The following TNFSF4 variants were observed in gnomAD, a reference collection of about 807,000 sequenced individuals.
TNFSF4 encodes TNF superfamily member 4.
A neutral mutation model predicts 7.3 loss-of-function variants in TNFSF4; 4 were observed. The ratio of observed to expected loss-of-function variants is 0.55; its 90% confidence interval spans 0.27 to 1.25. The LOEUF (loss-of-function observed/expected upper bound fraction) is 1.25, where lower values mean the gene tolerates loss of function less well. Among genes scored for constraint, TNFSF4 ranks in the 50% most tolerant of loss-of-function variants. TNFSF4 has a pLI of 0.12. For synonymous variants in TNFSF4, 76 were observed against 83.7 expected (o/e 0.91, Z 0.50); for missense variants, 181 against 208.8 (o/e 0.87, Z 0.82).
At chr1:173,300,625 A>AT in the TNFSF4 span, among the ~76,000 whole-genome samples, 1 of 151,866 alleles carries the variant, frequency 6.6e-6, no homozygotes, top group African/African-American at 2.4e-5. Context: ...AAGTAATGGA[A>AT]TTTTTTCTAC....
the TNFSF4 span, among the ~76,000 whole-genome samples, chr1:173,368,007 AG>A: frequency 1.3e-5 from 2 of 152,308 alleles, no homozygotes; most frequent in South Asian, 4.1e-4. Flanking sequence ...TAGCTAGCAA[AG>A]GGATTGTAAA....
At chr1:173,348,270 C>T in the TNFSF4 span, among the ~76,000 whole-genome samples, 1 of 152,110 alleles carries the variant, frequency 6.6e-6, no homozygotes, top group Non-Finnish European at 1.5e-5. Flanking sequence ...GAATAAAAGT[C>T]TCATGAGATC....
intron 1 of TNFSF4, among the ~76,000 whole-genome samples, chr1:173,199,183 C>T (rs1241125972): frequency 6.6e-6 from 1 of 152,164 alleles, no homozygotes; most frequent in Non-Finnish European, 1.5e-5. Flanking sequence ...GGGAGGACCA[C>T]GTCTATTTCA....
intron 1 of TNFSF4, among the ~76,000 whole-genome samples, chr1:173,190,103 C>T (rs1256653670): frequency 6.6e-6 from 1 of 151,656 alleles, no homozygotes; most frequent in Admixed American, 6.6e-5. Flanking sequence ...GTAATCCCAG[C>T]TTCTTGGGAG....
the TNFSF4 span, among the ~76,000 whole-genome samples, chr1:173,240,949 T>C: frequency 6.6e-6 from 1 of 152,218 alleles, no homozygotes; most frequent in Non-Finnish European, 1.5e-5. Context: ...TAGTATTTAC[T>C]AACCATCAGG....
the TNFSF4 span, among the ~76,000 whole-genome samples, chr1:173,176,849 T>C: frequency 6.6e-6 from 1 of 152,192 alleles, no homozygotes; most frequent in Non-Finnish European, 1.5e-5. Context: ...GAGATCATTA[T>C]CCTAAGCAAA....
At chr1:173,316,429 A>T in the TNFSF4 span, among the ~76,000 whole-genome samples, 3 of 152,144 alleles carry the variant, frequency 2.0e-5, no homozygotes, top group African/African-American at 7.2e-5. Flanking sequence ...TTCCTCAATA[A>T]CACAGAATAT....
the TNFSF4 span, among the ~76,000 whole-genome samples, chr1:173,294,852 T>C: frequency 6.6e-6 from 1 of 151,954 alleles, no homozygotes; most frequent in East Asian, 1.9e-4. Flanking sequence ...TTGCAGTACA[T>C]ATGACTGAAA....
At chr1:173,191,562 T>C (rs1430722359) in intron 1 of TNFSF4, among the ~76,000 whole-genome samples, 1 of 152,156 alleles carries the variant, frequency 6.6e-6, no homozygotes, top group Non-Finnish European at 1.5e-5. Flanking sequence ...CCAACCTCAT[T>C]GTCAAGCTTT....
chr1:173,186,492 G>A lies in TNFSF4; in HGVS notation c.*24C>T, dbSNP rs764902716. Reference sequence around the variant, plus strand: ...AGCTTGGTGTTCATGCTGGTGCCTGGTTTTAGATATTGCCATCAGCCCCTC... The same window carrying A: ...AGCTTGGTGTTCATGCTGGTGCCTGATTTTAGATATTGCCATCAGCCCCTC... On this transcript the variant is annotated 3_prime_UTR_variant, in exon 3 of 3. Transcript: ENST00000281834. 1 of 1,576,158 alleles carries A rather than the reference G, an allele frequency of 6.3e-7. No homozygotes were observed. Among genetic ancestry groups the A allele is most frequent in the Non-Finnish European group, 8.7e-7 (1 of 1,154,296 alleles).
At chr1:173,269,212 A>G in the TNFSF4 span, among the ~76,000 whole-genome samples, 4 of 152,164 alleles carry the variant, frequency 2.6e-5, no homozygotes, top group African/African-American at 9.7e-5. Context: ...GGTAGATGAA[A>G]TAAGAATGGC....
At chr1:173,377,204 C>T in the TNFSF4 span, among the ~76,000 whole-genome samples, 96,705 of 152,018 alleles carry the variant, frequency 0.64, 30,900 homozygotes, top group Admixed American at 0.69. Flanking sequence ...AATCACCAAG[C>T]GGTGAGTACC....
At chr1:173,291,413 C>G in the TNFSF4 span, among the ~76,000 whole-genome samples, 4 of 152,096 alleles carry the variant, frequency 2.6e-5, no homozygotes, top group South Asian at 8.3e-4. Flanking sequence ...CATATCTAAA[C>G]TCTATCAGGC....
chr1:173,397,680 T>A, the TNFSF4 span, among the ~76,000 whole-genome samples: 1 of 152,198 alleles, frequency 6.6e-6, no homozygotes, highest in Admixed American at 6.5e-5. Context: ...CACTGACTTG[T>A]GAAGTGAGAG....
At chr1:173,328,248 G>T in the TNFSF4 span, among the ~76,000 whole-genome samples, 4 of 150,212 alleles carry the variant, frequency 2.7e-5, no homozygotes, top group African/African-American at 9.8e-5. Context: ...GCAAACTATT[G>T]CAAAGACAAA....
chr1:173,294,833 G>T, the TNFSF4 span, among the ~76,000 whole-genome samples: 1 of 151,846 alleles, frequency 6.6e-6, no homozygotes, highest in Non-Finnish European at 1.5e-5. Flanking sequence ...CAGACAGGCA[G>T]AAAAATATTT....
the TNFSF4 span, among the ~76,000 whole-genome samples, chr1:173,284,979 CA>C: frequency 4.5e-4 from 68 of 152,256 alleles, no homozygotes; most frequent in Admixed American, 1.3e-3. Flanking sequence ...TAAAGAAATG[CA>C]CTTTGTCAGG....
At chr1:173,325,512 A>T in the TNFSF4 span, among the ~76,000 whole-genome samples, 2 of 152,068 alleles carry the variant, frequency 1.3e-5, no homozygotes, top group Non-Finnish European at 2.9e-5. Flanking sequence ...AAATAACTAA[A>T]ATCAGAGCAG....
At chr1:173,375,921 C>T in the TNFSF4 span, among the ~76,000 whole-genome samples, 1 of 152,054 alleles carries the variant, frequency 6.6e-6, no homozygotes, top group Non-Finnish European at 1.5e-5. Context: ...GTCCATGGTT[C>T]CATTCTTAAA....
Sources: gnomAD v4.1 joint callset for allele counts (sites outside exome capture counted in the v4.1 genomes callset) on GRCh38, gnomAD v4.1.1 for gene constraint, MANE v1.5 for transcripts, NCBI Gene and HGNC (gene_info 2026-07-23, HGNC 2026-07-21) for gene names.